Variants in TNR observed in about 807,000 individuals in gnomAD.
The protein encoded by TNR is tenascin-R.
A neutral mutation model predicts 150.4 loss-of-function variants in TNR; 45 were observed. The ratio of observed to expected loss-of-function variants is 0.30; its 90% CI spans 0.24 to 0.38. TNR has a LOEUF of 0.38. Among genes scored for constraint, TNR ranks in the 10% least tolerant of loss-of-function variants. The probability of loss-of-function intolerance (pLI) is 1.00; values close to 1 mark genes in which losing one functional copy is unlikely to be tolerated. For missense variants in TNR, 1,544 were observed against 1,759.1 expected (o/e 0.88, Z 2.19); for synonymous variants, 687 against 678.4 (o/e 1.01, Z -0.20).
intron 1 of TNR, among the ~76,000 whole-genome samples, chr1:175,641,457 G>A (rs1664657388): frequency 6.6e-6 from 1 of 152,152 alleles, no homozygotes; most frequent in Admixed American, 6.6e-5. Context: ...TGTCCTTATA[G>A]GGAGGACATA....
chr1:175,458,052 T>A lies in TNR; in HGVS notation c.-63-51275A>T, dbSNP rs555260965. On this transcript the variant is annotated intron_variant, in intron 2 of 22. Coordinates refer to ENST00000367674, the MANE Select transcript of TNR (RefSeq NM_003285.3). ...TGTAAAATGGGGAAATAGTACCCAC[T>A]TCACAGGATTGTTGTGAAAATTAAT... Among the ~76,000 whole-genome samples the A allele has an allele frequency of 2.0e-5, 3 of 152,364 alleles. No individual in the cohort carries two copies. The South Asian group carries it at 6.2e-4, about 32-fold the overall frequency.
intron 1 of TNR, among the ~76,000 whole-genome samples, chr1:175,686,840 G>A (rs1053260183): frequency 2.9e-4 from 44 of 152,136 alleles, no homozygotes; most frequent in Admixed American, 1.4e-3. Flanking sequence ...TTATGGCTGC[G>A]TAGTATTCCA....
intron 21 of TNR, among the ~76,000 whole-genome samples, chr1:175,325,810 T>C (rs964615176): frequency 1.3e-5 from 2 of 151,724 alleles, no homozygotes; most frequent in Non-Finnish European, 2.9e-5. Flanking sequence ...TAGGTGGGAA[T>C]TGAACAATGA....
chr1:175,614,254 C>T (rs1663692895), intron 1 of TNR, among the ~76,000 whole-genome samples: 1 of 151,966 alleles, frequency 6.6e-6, no homozygotes, highest in Non-Finnish European at 1.5e-5. Flanking sequence ...GATTATGATA[C>T]CTATGTATGG....
At chr1:175,658,290 A>G (rs1665254475) in intron 1 of TNR, among the ~76,000 whole-genome samples, 1 of 152,096 alleles carries the variant, frequency 6.6e-6, no homozygotes, top group Non-Finnish European at 1.5e-5. Flanking sequence ...GGGAGAAGAA[A>G]TGAGGCATGG....
intron 2 of TNR, among the ~76,000 whole-genome samples, chr1:175,510,815 T>C (rs1659141207): frequency 6.6e-6 from 1 of 152,220 alleles, no homozygotes; most frequent in Non-Finnish European, 1.5e-5. Context: ...CAGCTTCCCC[T>C]GAAGTGATAG....
At chr1:175,678,425 T>C (rs538144231) in intron 1 of TNR, among the ~76,000 whole-genome samples, 1 of 152,332 alleles carries the variant, frequency 6.6e-6, no homozygotes, top group East Asian at 1.9e-4. Flanking sequence ...ACCACCACTT[T>C]ATCTCATGCC....
At chr1:175,369,773 T>A (rs1286615273) in intron 9 of TNR, among the ~76,000 whole-genome samples, 2 of 152,210 alleles carry the variant, frequency 1.3e-5, no homozygotes, top group Non-Finnish European at 2.9e-5. Context: ...GAATCCCTGA[T>A]TTTGATCGGA....
chr1:175,567,650 G>C (rs1651429781), intron 1 of TNR, among the ~76,000 whole-genome samples: 1 of 152,196 alleles, frequency 6.6e-6, no homozygotes, highest in Non-Finnish European at 1.5e-5. Context: ...AGAGAGTGGG[G>C]AGTGAGAAGG....
At chr1:175,710,564 C>T (rs928972275) in intron 1 of TNR, among the ~76,000 whole-genome samples, 4 of 152,090 alleles carry the variant, frequency 2.6e-5, no homozygotes, top group Non-Finnish European at 4.4e-5. Context: ...TGAAGAGGCC[C>T]TCAGTACAGA....
Position 175,722,776 on chromosome 1 carries a change from T to C in TNR, c.-165+20450A>G, listed in dbSNP as rs538645213. On this transcript the variant is annotated intron_variant, in intron 1 of 22. Coordinates refer to ENST00000367674, the MANE Select transcript of TNR (RefSeq NM_003285.3). ...GCCACTGTGCCTGGCCTATTTTTGT[T>C]ATATATATATATAGTTGCTTCCCCC... Among the ~76,000 whole-genome samples the C allele has an allele frequency of 1.2e-4, 9 of 75,590 alleles. No individual in the cohort carries two copies. The South Asian group carries it at 2.5e-3, about 21-fold the overall frequency. The allele number at this position is 75,590 out of a possible 152,430, so 49.6% of individuals were successfully genotyped here.
chr1:175,659,708 G>A lies in TNR; in HGVS notation c.-165+83518C>T, dbSNP rs190877081. Among the ~76,000 whole-genome samples the A allele has an allele frequency of 8.1e-4, 124 of 152,238 alleles. 1 individual carries two copies. Among genetic ancestry groups the A allele is most frequent in the African/African-American group, 2.8e-3 (116 of 41,550 alleles). Reference sequence around the variant, plus strand: ...GTCCCTGTCCTGCCTTTCTCACAGCGTCATTCTGTGGGCCAAAGGAGCTGA... The same window carrying A: ...GTCCCTGTCCTGCCTTTCTCACAGCATCATTCTGTGGGCCAAAGGAGCTGA... On this transcript the variant is annotated intron_variant, in intron 1 of 22. Transcript: ENST00000367674.
Position 175,620,520 on chromosome 1 carries a change from G to A in TNR, c.-164-92151C>T, listed in dbSNP as rs573241889. 1.0e-3 allele frequency among the ~76,000 whole-genome samples: 158 copies of A among 152,240 alleles called. No homozygotes were observed. The South Asian group carries it at 0.011, about 10-fold the overall frequency. ...AGTTCTGGAGGCTTTCCATCCCTTC[G>A]CCCACCTCCAGCAGAGCTGCTAACA... On this transcript the variant is annotated intron_variant, in intron 1 of 22. Transcript: ENST00000367674.
chr1:175,663,954 G>C (rs1200928517), intron 1 of TNR, among the ~76,000 whole-genome samples: 3 of 152,172 alleles, frequency 2.0e-5, no homozygotes, highest in African/African-American at 7.2e-5. Flanking sequence ...CCAGAATAAA[G>C]AGCTCACCAG....
chr1:175,569,863 T>C (rs1298406886), intron 1 of TNR, among the ~76,000 whole-genome samples: 3 of 152,186 alleles, frequency 2.0e-5, no homozygotes, highest in Non-Finnish European at 2.9e-5. Flanking sequence ...GTTTTCCAGG[T>C]TACCAAGTTG....
chr1:175,723,736 A>G (rs1403246936), intron 1 of TNR, among the ~76,000 whole-genome samples: 1 of 152,092 alleles, frequency 6.6e-6, no homozygotes, highest in Non-Finnish European at 1.5e-5. Context: ...AAATTAGCTG[A>G]GCGTGGTGGC....
intron 13 of TNR, among the ~76,000 whole-genome samples, chr1:175,363,359 G>A (rs1233584430): frequency 3.3e-5 from 5 of 152,168 alleles, no homozygotes; most frequent in African/African-American, 1.2e-4. Flanking sequence ...CCATCCCTCT[G>A]GATCCTAGTC....
Position 175,365,882 on chromosome 1 carries a change from A to G in TNR, c.2310T>C (p.Ala770=), listed in dbSNP as rs753011393. ...RQQSLESTVD[A]FTGFRPISHL... is the part of the protein sequence containing the mutation. ...TTTCTGCTGCTCTGGTACCTGTGAAAGCATCCACAGTGGACTCCAAGCTCT... is the reference window on the plus strand; with the variant it reads ...TTTCTGCTGCTCTGGTACCTGTGAAGGCATCCACAGTGGACTCCAAGCTCT... The change falls in exon 11 of 23, where the codon GCT becomes GCC. Residue 770 remains alanine, a synonymous_variant. Coordinates refer to ENST00000367674, the MANE Select transcript of TNR (RefSeq NM_003285.3). 1 of 1,613,584 alleles carries G rather than the reference A, an allele frequency of 6.2e-7. No individual in the cohort carries two copies. Among genetic ancestry groups the G allele is most frequent in the Non-Finnish European group, 8.5e-7 (1 of 1,179,698 alleles).
At position 175,349,448 on chromosome 1, in the gene TNR, G is replaced by A. The variant is rs574276826; in HGVS notation, c.3382+4943C>T. 9.4e-4 allele frequency among the ~76,000 whole-genome samples: 143 copies of A among 152,120 alleles called. 3 individuals are homozygous for A. The South Asian group carries it at 0.029, about 30-fold the overall frequency. On this transcript the variant is annotated intron_variant, in intron 18 of 22. Coordinates refer to ENST00000367674, the MANE Select transcript of TNR (RefSeq NM_003285.3). ...ATATAGATGCATGACAACACGGATG[G>A]GTCTGAAAAACAGTGCTGAGCAAAA...
Sources: gnomAD v4.1 joint callset for allele counts (sites outside exome capture counted in the v4.1 genomes callset) on GRCh38, gnomAD v4.1.1 for gene constraint, MANE v1.5 for transcripts, NCBI Gene and HGNC (gene_info 2026-07-23, HGNC 2026-07-21) for gene names.